The following DYNC2I1 variants were observed in gnomAD, a reference collection of about 807,000 sequenced individuals.
DYNC2I1 encodes cytoplasmic dynein 2 intermediate chain 1.
In DYNC2I1, 89 loss-of-function variants were observed where a neutral mutation model predicts 133.4. The observed-to-expected ratio is 0.67, with a 90% CI of 0.56 to 0.80. DYNC2I1 has a LOEUF of 0.80. Ranked by LOEUF, DYNC2I1 falls within the 30% of genes least tolerant of loss-of-function variation. The pLI is 0.00. For missense variants in DYNC2I1, 1,291 were observed against 1,314.5 expected (o/e 0.98, Z 0.28); for synonymous variants, 504 against 484.3 (o/e 1.04, Z -0.54).
intron 4 of DYNC2I1, among the ~76,000 whole-genome samples, chr7:158,951,310 A>C (rs954927015): frequency 6.6e-6 from 1 of 152,230 alleles, no homozygotes; most frequent in Non-Finnish European, 1.5e-5. Flanking sequence ...TCTACTTGGC[A>C]GGGACCCTGC....
chr7:158,847,385 T>G, the DYNC2I1 span, among the ~76,000 whole-genome samples: 1 of 152,148 alleles, frequency 6.6e-6, no homozygotes, highest in African/African-American at 2.4e-5. Context: ...CTTAAACTCT[T>G]TAGCATTTCC....
chr7:158,855,394 G>A (rs1841164106), upstream of DYNC2I1, among the ~76,000 whole-genome samples: 1 of 152,162 alleles, frequency 6.6e-6, no homozygotes, highest in Non-Finnish European at 1.5e-5. Context: ...TCAAGTGCAG[G>A]TTCTGCAAAA....
chr7:158,847,996 C>T, the DYNC2I1 span, among the ~76,000 whole-genome samples: 1 of 152,150 alleles, frequency 6.6e-6, no homozygotes, highest in Admixed American at 6.5e-5. Flanking sequence ...ATCCAATGGA[C>T]AGTATCTTTA....
downstream of DYNC2I1, among the ~76,000 whole-genome samples, chr7:158,947,444 G>A (rs1365129066): frequency 6.6e-6 from 1 of 152,172 alleles, no homozygotes; most frequent in East Asian, 1.9e-4. Context: ...GCCTCTTCTG[G>A]GCTTTGGTGT....
At chr7:158,847,355 T>G in the DYNC2I1 span, among the ~76,000 whole-genome samples, 1 of 152,146 alleles carries the variant, frequency 6.6e-6, no homozygotes, top group Non-Finnish European at 1.5e-5. Context: ...AAAAGTCACT[T>G]TAAATAGTGA....
chr7:158,871,654 T>TCCC, intron 3 of DYNC2I1, 92 bp downstream of exon 3: 1 of 1,319,478 alleles, frequency 7.6e-7, no homozygotes, highest in Non-Finnish European at 1.0e-6. Context: ...CCTCCCTCTC[T>TCCC]CCCCCGCTTC....
At chr7:158,839,471 C>T in the DYNC2I1 span, among the ~76,000 whole-genome samples, 7 of 152,082 alleles carry the variant, frequency 4.6e-5, no homozygotes, top group East Asian at 1.2e-3. Flanking sequence ...CACCTGACTG[C>T]AAAACCTAAA....
rs6978607 is a variant in DYNC2I1, at chr7:158,915,989, C to A, written c.1791+1668C>A. 8.7e-5 allele frequency among the ~76,000 whole-genome samples: 6 copies of A among 69,186 alleles called. 2 individuals carry two copies. The highest frequency in any genetic ancestry group is 4.5e-4 in the South Asian group (1 of 2,236). 45.4% of individuals were successfully genotyped at this position (69,186 alleles called of 152,430 possible). A position where few individuals can be genotyped will look rare whatever the true frequency, so the allele number is the denominator to read the frequency against. On this transcript the variant is annotated intron_variant, in intron 14 of 24. Transcript: ENST00000407559. ...GACATTAAGGATGATTGTGAAACGT[C>A]GACACGCTGGTTGACATTAAGGATG...
chr7:158,944,902 C>G (rs1269298098), intron 24 of DYNC2I1, among the ~76,000 whole-genome samples: 1 of 152,142 alleles, frequency 6.6e-6, no homozygotes, highest in African/African-American at 2.4e-5. Context: ...CACAAGGAGA[C>G]TGGGCGTGTT....
intron 15 of DYNC2I1, among the ~76,000 whole-genome samples, chr7:158,921,547 C>T (rs6943562): frequency 0.17 from 26,450 of 152,054 alleles, 2,542 homozygotes; most frequent in African/African-American, 0.23. Context: ...GAAGACCTGA[C>T]GCTTGCTGGT....
chr7:158,927,097 T>C, intron 20 of DYNC2I1, 54 bp downstream of exon 20: 1 of 1,330,630 alleles, frequency 7.5e-7, no homozygotes, highest in South Asian at 1.3e-5. Flanking sequence ...GAATCGAGAT[T>C]AAAAGTACTG....
At chr7:158,878,643 C>T (rs1410760158) in intron 4 of DYNC2I1, among the ~76,000 whole-genome samples, 5 of 132,672 alleles carry the variant, frequency 3.8e-5, no homozygotes, top group Admixed American at 7.6e-5. Flanking sequence ...CCAGGAGGGC[C>T]GACTCTGAGT....
At chr7:158,957,489 A>G (rs541036995), downstream of DYNC2I1, among the ~76,000 whole-genome samples, 1 of 152,352 alleles carries the variant, frequency 6.6e-6, no homozygotes, top group South Asian at 2.1e-4. Context: ...TGAACAGAAT[A>G]TGAAAGTGGG....
At chr7:158,952,472 T>G (rs1852082685) in intron 4 of DYNC2I1, among the ~76,000 whole-genome samples, 4 of 152,204 alleles carry the variant, frequency 2.6e-5, no homozygotes. Flanking sequence ...AGATGGGGTC[T>G]CCAATGCCAG....
the DYNC2I1 span, among the ~76,000 whole-genome samples, chr7:158,844,239 A>G: frequency 5.9e-5 from 9 of 152,262 alleles, no homozygotes; most frequent in African/African-American, 2.2e-4. Flanking sequence ...TACATTTGAG[A>G]TATGGAATAC....
rs145524856 is a variant in DYNC2I1, at chr7:158,918,856, A to G, written c.1908A>G (p.Leu636=). The change falls in exon 15 of 25, where the codon CTA becomes CTG. Residue 636 remains leucine, a synonymous_variant. Coordinates refer to ENST00000407559, the MANE Select transcript of DYNC2I1 (RefSeq NM_018051.5). ...SDSSSQLNTS[L]PFLQNRKVSS... ...GCTCATCTCAGCTGAACACCAGTCT[A>G]CCATTCCTTCAAAGTAAGAGGCTGT... 6.2e-7 allele frequency: 1 copy of G among 1,612,970 alleles called. No individual in the cohort carries two copies. Among genetic ancestry groups the G allele is most frequent in the Non-Finnish European group, 8.5e-7 (1 of 1,179,280 alleles).
chr7:158,841,213 A>T, the DYNC2I1 span, among the ~76,000 whole-genome samples: 128 of 54,420 alleles, frequency 2.4e-3, 2 homozygotes, highest in African/African-American at 3.3e-3. Flanking sequence ...ATATATATAT[A>T]TATATATATT....
At chr7:158,923,018 C>T (rs1009986142) in intron 16 of DYNC2I1, among the ~76,000 whole-genome samples, 6 of 152,278 alleles carry the variant, frequency 3.9e-5, no homozygotes, top group South Asian at 2.1e-4. Context: ...GCTCACAGCC[C>T]TTCTGGAGGC....
the DYNC2I1 span, among the ~76,000 whole-genome samples, chr7:158,843,233 T>G: frequency 6.6e-6 from 1 of 152,074 alleles, no homozygotes; most frequent in South Asian, 2.1e-4. Flanking sequence ...TAGCTGGGAC[T>G]AGAGGTGTGT....
Sources: gnomAD v4.1 joint callset for allele counts (sites outside exome capture counted in the v4.1 genomes callset) on GRCh38, gnomAD v4.1.1 for gene constraint, MANE v1.5 for transcripts, NCBI Gene and HGNC (gene_info 2026-07-23, HGNC 2026-07-21) for gene names.